MARCHF7: variants seen among roughly 807,000 people sequenced by gnomAD.
The protein encoded by MARCHF7 is E3 ubiquitin-protein ligase MARCHF7.
MARCHF7 carries 20 observed loss-of-function variants against 76.5 expected under a neutral mutation model. The observed-to-expected ratio is 0.26, with a 90% CI of 0.18 to 0.38. MARCHF7 has a LOEUF of 0.38. MARCHF7 is among the 10% of genes least tolerant of loss of function. The pLI is 1.00. For missense variants in MARCHF7, 797 were observed against 812.9 expected (o/e 0.98, Z 0.24); for synonymous variants, 295 against 293.0 (o/e 1.01, Z -0.07).
intron 3 of MARCHF7, among the ~76,000 whole-genome samples, chr2:159,728,174 A>T (rs1463932193): frequency 6.6e-6 from 1 of 152,230 alleles, no homozygotes; most frequent in East Asian, 1.9e-4. Context: ...TCTTATTTAT[A>T]AAGTGGAGAT....
chr2:159,715,742 T>C lies in MARCHF7; in HGVS notation c.-39T>C, dbSNP rs1700961875. On this transcript the variant is annotated 5_prime_UTR_variant, in exon 3 of 12. Coordinates refer to ENST00000409175, the MANE Select transcript of MARCHF7 (RefSeq NM_001282805.2). ...GGTTTTTCCTGCCCTCAAATATATT[T>C]CTCTGACTCTACCGGTTAGACTAGG... 1 of 152,168 alleles carries C rather than the reference T, an allele frequency of 6.6e-6. No individual in the cohort carries two copies. The highest frequency in any genetic ancestry group is 1.9e-4 in the East Asian group (1 of 5,200). The allele number at this position is 152,168 out of a possible 1,614,324, so 9.4% of individuals were successfully genotyped here. A position where few individuals can be genotyped will look rare whatever the true frequency, so the allele number is the denominator to read the frequency against.
At chr2:159,757,316 C>T (rs1706451176) in intron 8 of MARCHF7, among the ~76,000 whole-genome samples, 1 of 152,150 alleles carries the variant, frequency 6.6e-6, no homozygotes, top group Non-Finnish European at 1.5e-5. Context: ...CAGAGCTGCA[C>T]AAAGATCCCA....
chr2:159,713,188 G>A (rs1346468289), intron 1 of MARCHF7, among the ~76,000 whole-genome samples: 3 of 152,190 alleles, frequency 2.0e-5, no homozygotes, highest in African/African-American at 7.2e-5. Flanking sequence ...TTATTTTTGT[G>A]TTGTGGTGAA....
intron 3 of MARCHF7, among the ~76,000 whole-genome samples, chr2:159,721,497 A>G (rs1329091240): frequency 6.6e-6 from 1 of 152,180 alleles, no homozygotes; most frequent in Non-Finnish European, 1.5e-5. Flanking sequence ...TTATTAGGTA[A>G]ACTAGCAGCT....
At chr2:159,746,167 G>A (rs1389648725) in intron 6 of MARCHF7, among the ~76,000 whole-genome samples, 1 of 151,944 alleles carries the variant, frequency 6.6e-6, no homozygotes, top group Non-Finnish European at 1.5e-5. Flanking sequence ...TGTTTAACTT[G>A]CATTTTTCCT....
chr2:159,747,874 A>G lies in MARCHF7; in HGVS notation c.584A>G (p.Gln195Arg). 2 of 1,614,040 alleles carry G rather than the reference A, an allele frequency of 1.2e-6. No homozygotes were observed. The highest frequency in any genetic ancestry group is 1.7e-6 in the Non-Finnish European group (2 of 1,179,940). Reference protein sequence around the residue: ...RPKENSMSTLQLNTSSTNHQL... With the variant: ...RPKENSMSTLRLNTSSTNHQL... ...AAAGAAAACTCAATGAGCACTTTACAGTTGAATACATCATCCACAAACCAC... is the reference window on the plus strand; with the variant it reads ...AAAGAAAACTCAATGAGCACTTTACGGTTGAATACATCATCCACAAACCAC... The change falls in exon 7 of 12, where the codon CAG (glutamine) becomes CGG (arginine). Residue 195 changes from glutamine to arginine, a missense_variant. Physicochemically the swap from Gln to Arg is conservative, Grantham distance 43. This residue lies in a region of MARCHF7 where 643 missense variants were observed against 631.5 expected (regional missense o/e 1.02). Coordinates refer to ENST00000409175, the MANE Select transcript of MARCHF7 (RefSeq NM_001282805.2).
intron 4 of MARCHF7, chr2:159,733,617 A>G: frequency 1.0e-6 from 1 of 985,006 alleles, no homozygotes; most frequent in Non-Finnish European, 1.2e-6. Context: ...AACTTCTGTT[A>G]TCTCAGGCAC....
chr2:159,724,876 C>A (rs750416249), intron 3 of MARCHF7, among the ~76,000 whole-genome samples: 174 of 152,266 alleles, frequency 1.1e-3, no homozygotes, highest in Non-Finnish European at 2.4e-4. Context: ...GTTCCCTGCC[C>A]TGTGTCCAAG....
At chr2:159,724,453 A>G (rs1171735233) in intron 3 of MARCHF7, among the ~76,000 whole-genome samples, 3 of 152,116 alleles carry the variant, frequency 2.0e-5, no homozygotes, top group African/African-American at 2.4e-5. Context: ...AATTTTCTCT[A>G]TATTTTTCTG....
chr2:159,752,597 A>G, intron 8 of MARCHF7, 26 bp downstream of exon 8: 1 of 1,433,964 alleles, frequency 7.0e-7, no homozygotes. Context: ...TTGTGTTTTC[A>G]CAATTTTTCT....
At chr2:159,741,272 G>A (rs1402936242) in intron 4 of MARCHF7, among the ~76,000 whole-genome samples, 1 of 152,132 alleles carries the variant, frequency 6.6e-6, no homozygotes, top group African/African-American at 2.4e-5. Flanking sequence ...TGGAGACTGA[G>A]GTGGGAGGAT....
At chr2:159,734,984 A>G (rs966167415) in intron 4 of MARCHF7, among the ~76,000 whole-genome samples, 9 of 152,146 alleles carry the variant, frequency 5.9e-5, no homozygotes, top group African/African-American at 1.9e-4. Flanking sequence ...CCTGTCTCAA[A>G]AAGAAAAAGA....
intron 9 of MARCHF7, among the ~76,000 whole-genome samples, chr2:159,760,545 G>C (rs928868147): frequency 6.6e-6 from 1 of 152,118 alleles, no homozygotes; most frequent in Non-Finnish European, 1.5e-5. Context: ...CTGAGCATTG[G>C]TATTTAAAAA....
chr2:159,763,206 G>T lies in MARCHF7; in HGVS notation c.2007+213G>T, dbSNP rs547482079. 1.9e-4 allele frequency among the ~76,000 whole-genome samples: 29 copies of T among 152,228 alleles called. No homozygotes were observed. In the East Asian group the frequency reaches 2.3e-3, roughly 12 times the overall value. On this transcript the variant is annotated intron_variant, in intron 10 of 11. Transcript: ENST00000409175. ...TTCTCATAAAGTTATTTTAGAGAAA[G>T]AAGTAATTTTCTAGCTCTCAAAGGT...
At chr2:159,723,023 G>T (rs1372630764) in intron 3 of MARCHF7, among the ~76,000 whole-genome samples, 1 of 152,158 alleles carries the variant, frequency 6.6e-6, no homozygotes, top group East Asian at 1.9e-4. Context: ...ATTGACGTAT[G>T]TCTTTTAAAA....
chr2:159,767,123 G>A (rs777663317), intron 11 of MARCHF7, among the ~76,000 whole-genome samples, 161 bp from the exon 12 acceptor site: 6 of 152,108 alleles, frequency 3.9e-5, no homozygotes, highest in African/African-American at 9.7e-5. Context: ...CCCACAGGCA[G>A]ACCACCCTAA....
chr2:159,746,850 T>G (rs1704958963), intron 6 of MARCHF7, among the ~76,000 whole-genome samples: 1 of 152,128 alleles, frequency 6.6e-6, no homozygotes, highest in South Asian at 2.1e-4. Context: ...GTTTAGGTTA[T>G]TTTAATTTAT....
intron 3 of MARCHF7, among the ~76,000 whole-genome samples, chr2:159,721,825 T>A (rs575053575): frequency 6.6e-6 from 1 of 152,248 alleles, no homozygotes; most frequent in Admixed American, 6.5e-5. Flanking sequence ...AAAACACAAA[T>A]TCAAAGATAG....
At chr2:159,736,852 C>T (rs998054924) in intron 4 of MARCHF7, among the ~76,000 whole-genome samples, 4 of 152,180 alleles carry the variant, frequency 2.6e-5, no homozygotes, top group African/African-American at 9.7e-5. Context: ...TCCAAGCTGT[C>T]TTATTGATGA....
Sources: allele counts gnomAD v4.1 joint callset (sites outside exome capture counted in the v4.1 genomes callset), GRCh38; gene constraint gnomAD v4.1.1; regional missense constraint gnomAD v4.1.1; transcripts MANE v1.5; gene names NCBI Gene and HGNC (gene_info 2026-07-23, HGNC 2026-07-21).